Variants in SNX7 observed in about 807,000 individuals in gnomAD.
SNX7 encodes the protein sorting nexin 7.
Under a neutral mutation model 48.4 loss-of-function variants are expected in SNX7, and 35 were observed. That is an observed-to-expected ratio of 0.72 (90% CI 0.55 to 0.96). The LOEUF is 0.96. Among genes scored for constraint, SNX7 ranks in the 40% least tolerant of loss-of-function variants. The probability of loss-of-function intolerance (pLI) is 0.00; values close to 1 mark genes in which losing one functional copy is unlikely to be tolerated. For synonymous variants in SNX7, 190 were observed against 190.2 expected (o/e 1.00, Z 0.01); for missense variants, 553 against 548.9 (o/e 1.01, Z -0.07).
intron 7 of SNX7, among the ~76,000 whole-genome samples, chr1:98,733,233 G>A (rs1445111553): frequency 6.6e-6 from 1 of 152,008 alleles, no homozygotes; most frequent in Non-Finnish European, 1.5e-5. Flanking sequence ...ACACCCTACG[G>A]TATTTGTTCT....
chr1:98,684,984 A>C lies in SNX7; in HGVS notation c.280A>C (p.Lys94Gln). ...QIKFEDEPDL[K>Q]DLFITVDEPE... is the part of the protein sequence containing the mutation. ...CAAGTTTGAGGATGAACCAGATTTA[A>C]AGGATCTCTTCATCACAGTTGATGA... Residue 94 changes from lysine (K) to glutamine (Q), a missense_variant, in exon 2 of 9, where the codon AAG becomes CAG. Lys to Gln is a moderately conservative substitution (Grantham distance 53). Transcript: ENST00000306121. The C allele has an allele frequency of 6.3e-7, 1 of 1,599,576 alleles. No homozygotes were observed. The highest frequency in any genetic ancestry group is 2.2e-5 in the East Asian group (1 of 44,638).
chr1:98,741,378 A>T (rs929427179), intron 8 of SNX7, among the ~76,000 whole-genome samples: 1 of 152,190 alleles, frequency 6.6e-6, no homozygotes, highest in Non-Finnish European at 1.5e-5. Context: ...TAATTGTGTC[A>T]TGTTATATTT....
intron 8 of SNX7, among the ~76,000 whole-genome samples, chr1:98,752,910 C>T (rs1025712816): frequency 6.6e-6 from 1 of 152,064 alleles, no homozygotes; most frequent in African/African-American, 2.4e-5. Flanking sequence ...CCAAAATCAT[C>T]CTTCTACTAT....
chr1:98,707,624 G>A (rs1023507342), intron 7 of SNX7, among the ~76,000 whole-genome samples: 21 of 152,058 alleles, frequency 1.4e-4, no homozygotes, highest in Admixed American at 7.2e-4. Context: ...ATTTCTGAAT[G>A]GATGATTTAT....
intron 7 of SNX7, among the ~76,000 whole-genome samples, chr1:98,703,948 G>A (rs1382296052): frequency 3.9e-5 from 6 of 151,946 alleles, no homozygotes; most frequent in Admixed American, 1.3e-4. Context: ...CCAAGCATAT[G>A]TTAAGAATGG....
intron 7 of SNX7, among the ~76,000 whole-genome samples, chr1:98,702,922 G>T (rs1363600500): frequency 6.6e-6 from 1 of 152,054 alleles, no homozygotes; most frequent in Non-Finnish European, 1.5e-5. Flanking sequence ...AAACTTCCCT[G>T]TAAATCTGTA....
At chr1:98,738,571 T>G (rs1359324439) in intron 8 of SNX7, among the ~76,000 whole-genome samples, 182 bp downstream of exon 8, 1 of 152,216 alleles carries the variant, frequency 6.6e-6, no homozygotes, top group Admixed American at 6.5e-5. Context: ...TTTGTTGTTT[T>G]GGATTTGGAT....
Position 98,760,317 on chromosome 1 carries a change from TGG to T in SNX7, c.*187_*188del. 1 of 565,942 alleles carries T rather than the reference TGG, an allele frequency of 1.8e-6. No homozygotes were observed. Among genetic ancestry groups the T allele is most frequent in the Non-Finnish European group, 3.2e-6 (1 of 316,824 alleles). The allele number at this position is 565,942 out of a possible 1,614,324, so 35.1% of individuals were successfully genotyped here. On this transcript the variant is annotated 3_prime_UTR_variant, in exon 9 of 9. Transcript: ENST00000306121. ...GAATTTGAAGATATATCTATCTGTA[TGG>T]ATATATATCTATATGTATATAGATA...
intron 1 of SNX7, among the ~76,000 whole-genome samples, chr1:98,678,638 A>G (rs1485917865): frequency 1.3e-5 from 2 of 152,220 alleles, no homozygotes; most frequent in East Asian, 3.8e-4. Flanking sequence ...AATAATGAAG[A>G]CATAGCAAAA....
chr1:98,725,135 C>T (rs995840119), intron 7 of SNX7, among the ~76,000 whole-genome samples: 1 of 152,098 alleles, frequency 6.6e-6, no homozygotes, highest in Non-Finnish European at 1.5e-5. Flanking sequence ...TCTTTAAGCT[C>T]TCCTGTTTTA....
At chr1:98,732,625 G>C (rs1653573502) in intron 7 of SNX7, among the ~76,000 whole-genome samples, 1 of 152,042 alleles carries the variant, frequency 6.6e-6, no homozygotes, top group South Asian at 2.1e-4. Context: ...ATAGTGAATT[G>C]GGGTTCAGAT....
intron 1 of SNX7, among the ~76,000 whole-genome samples, chr1:98,672,930 C>CAGA (rs1319348428): frequency 1.1e-5 from 1 of 88,528 alleles, no homozygotes; most frequent in Non-Finnish European, 2.1e-5. Context: ...GACTCCGTCT[C>CAGA]AAAAAAAAAA....
chr1:98,662,622 A>G lies in SNX7; in HGVS notation c.180+711A>G, dbSNP rs1649309523. ...AAATTGACTTGTGGGGGCTAGTGGT[A>G]GACTTTTGGTACGTGTAGACTGGTG... On this transcript the variant is annotated intron_variant, in intron 1 of 8. Transcript: ENST00000306121. 8 of 1,229,386 alleles carry G rather than the reference A, an allele frequency of 6.5e-6. No individual in the cohort carries two copies. In the Admixed American group the frequency reaches 1.8e-4, roughly 27 times the overall value. 76.2% of individuals were successfully genotyped at this position (1,229,386 alleles called of 1,614,324 possible). A position where few individuals can be genotyped will look rare whatever the true frequency, so the allele number is the denominator to read the frequency against.
chr1:98,707,114 C>T (rs1279821258), intron 7 of SNX7, among the ~76,000 whole-genome samples: 3 of 152,032 alleles, frequency 2.0e-5, no homozygotes, highest in Non-Finnish European at 4.4e-5. Context: ...TGGCATATTT[C>T]AACATTAAGA....
At chr1:98,671,587 A>AT (rs1257660596) in intron 1 of SNX7, among the ~76,000 whole-genome samples, 2 of 151,996 alleles carry the variant, frequency 1.3e-5, no homozygotes, top group African/African-American at 2.4e-5. Flanking sequence ...TGGGTGAATG[A>AT]TTTTTTTAAG....
intron 8 of SNX7, among the ~76,000 whole-genome samples, chr1:98,751,918 A>G (rs749898171): frequency 1.2e-4 from 18 of 152,170 alleles, no homozygotes; most frequent in Non-Finnish European, 2.5e-4. Context: ...ATCCAAAGCT[A>G]GAATGAGCTA....
chr1:98,727,217 G>GT lies in SNX7; in HGVS notation c.1126-11015dup, dbSNP rs368956336. Among the ~76,000 whole-genome samples the GT allele has an allele frequency of 4.5e-4, 68 of 151,004 alleles. No individual in the cohort carries two copies. In the Middle Eastern group the frequency reaches 0.01, roughly 23 times the overall value. On this transcript the variant is annotated intron_variant, in intron 7 of 8. Transcript: ENST00000306121. ...ACAGCGAGACTCTGTCTCAAATAAA[G>GT]TTTTTAAAAAATGATTGTTTACTTT...
At chr1:98,713,446 GC>G (rs1031166165) in intron 7 of SNX7, among the ~76,000 whole-genome samples, 3 of 135,628 alleles carry the variant, frequency 2.2e-5, no homozygotes, top group African/African-American at 7.7e-5. Context: ...CAGCAATAAG[GC>G]TTTTTTTTTG....
chr1:98,717,845 T>C (rs1171079260), intron 7 of SNX7, among the ~76,000 whole-genome samples: 1 of 152,020 alleles, frequency 6.6e-6, no homozygotes, highest in Non-Finnish European at 1.5e-5. Context: ...ACAAAGATAG[T>C]GTCCTTCCCA....
Sources: gnomAD v4.1 joint callset for allele counts (sites outside exome capture counted in the v4.1 genomes callset) on GRCh38, gnomAD v4.1.1 for gene constraint, MANE v1.5 for transcripts, NCBI Gene and HGNC (gene_info 2026-07-23, HGNC 2026-07-21) for gene names.